COL24A1: variants seen among roughly 807,000 people sequenced by gnomAD.
COL24A1 encodes collagen alpha-1(XXIV) chain.
COL24A1 carries 224 observed loss-of-function variants against 253.9 expected under a neutral mutation model. That is an observed-to-expected ratio of 0.88 (90% CI 0.79 to 0.99). COL24A1 has a LOEUF of 0.99. COL24A1 is among the 50% of genes least tolerant of loss of function. The pLI, the probability that COL24A1 is intolerant of heterozygous loss-of-function variation, is 0.00. For synonymous variants in COL24A1, 685 were observed against 673.7 expected, an observed-to-expected ratio of 1.02 and a Z score of -0.26; for missense variants, 2,131 against 2,068.5, an observed-to-expected ratio of 1.03 and a Z score of -0.59.
At chr1:85,988,478 T>C (rs1693935358) in intron 19 of COL24A1, among the ~76,000 whole-genome samples, 1 of 152,062 alleles carries the variant, frequency 6.6e-6, no homozygotes, top group Non-Finnish European at 1.5e-5. Flanking sequence ...CTTGCTGAAA[T>C]AATTAGAGTG....
In COL24A1 at chr1:85,842,345, A is replaced by G; in HGVS notation, c.3511T>C (p.Tyr1171His). Residue 1171 changes from tyrosine to histidine, a missense_variant, in exon 40 of 60, where the codon TAC becomes CAC. Coordinates refer to ENST00000370571, the MANE Select transcript of COL24A1 (RefSeq NM_152890.7). Reference sequence around the variant, plus strand: ...TTTCAATTATAAATACTTACCCTGTACCCTGGAATTCCTGGTTCTCCATCA... The same window carrying G: ...TTTCAATTATAAATACTTACCCTGTGCCCTGGAATTCCTGGTTCTCCATCA... ...GPDGEPGIPG[Y>H]RGHQGQPGPS... 1 of 1,597,398 alleles carries G rather than the reference A, an allele frequency of 6.3e-7. No individual in the cohort carries two copies. Among genetic ancestry groups the G allele is most frequent in the Non-Finnish European group, 8.5e-7 (1 of 1,170,168 alleles).
chr1:85,981,014 T>C (rs1416357681), intron 20 of COL24A1, among the ~76,000 whole-genome samples: 1 of 152,048 alleles, frequency 6.6e-6, no homozygotes, highest in Non-Finnish European at 1.5e-5. Flanking sequence ...CATAAGCAAA[T>C]GGAAACATAT....
rs1477753976 is a variant in COL24A1, at chr1:85,991,613, G to C, written c.2311-3959C>G. Among the ~76,000 whole-genome samples, 3 of 152,240 alleles carry C rather than the reference G, an allele frequency of 2.0e-5. No homozygotes were observed. In the East Asian group the frequency reaches 5.8e-4, roughly 29 times the overall value. On this transcript the variant is annotated intron_variant, in intron 19 of 59. Coordinates refer to ENST00000370571, the MANE Select transcript of COL24A1 (RefSeq NM_152890.7). The stretch of plus-strand genomic sequence containing the variant: ...CTATGTTTTACTTTACAATAAAACG[G>C]TAAGAAAAAATTTGCTGGGGTGACT...
rs761930635 is a variant in COL24A1, at chr1:85,815,934, A to C, written c.3951+854T>G. Among the ~76,000 whole-genome samples, 64 of 152,120 alleles carry C rather than the reference A, an allele frequency of 4.2e-4. 1 individual carries two copies. Among genetic ancestry groups the C allele is most frequent in the Admixed American group, 4.6e-4 (7 of 15,278 alleles). On this transcript the variant is annotated intron_variant, in intron 47 of 59. Coordinates refer to ENST00000370571, the MANE Select transcript of COL24A1 (RefSeq NM_152890.7). ...AAATGTGATTTTTAAATTTCTGATC[A>C]AATAAGTAAGATAGAAATCTGCATA...
chr1:85,819,013 T>C (rs1673327690), intron 45 of COL24A1, among the ~76,000 whole-genome samples: 1 of 152,226 alleles, frequency 6.6e-6, no homozygotes, highest in Non-Finnish European at 1.5e-5. Context: ...GTATATGTTG[T>C]CACAGAGAAA....
At position 85,868,642 on chromosome 1, in the gene COL24A1, A is replaced by T; in HGVS notation, c.3193-16T>A. 6.2e-7 allele frequency: 1 copy of T among 1,603,826 alleles called. No homozygotes were observed. Among genetic ancestry groups the T allele is most frequent in the Non-Finnish European group, 8.5e-7 (1 of 1,171,776 alleles). On this transcript the variant is annotated splice_polypyrimidine_tract_variant and intron_variant, in intron 36 of 59. Coordinates refer to ENST00000370571, the MANE Select transcript of COL24A1 (RefSeq NM_152890.7). Reference sequence around the variant, plus strand: ...CTGGTACTCCCTGTAATGCAATAAAAAAGTTTTCTATAAAGGAATACAGTG... The same window carrying T: ...CTGGTACTCCCTGTAATGCAATAAATAAGTTTTCTATAAAGGAATACAGTG...
intron 31 of COL24A1, among the ~76,000 whole-genome samples, chr1:85,894,195 G>T (rs1041178565): frequency 3.9e-5 from 6 of 152,142 alleles, no homozygotes; most frequent in African/African-American, 1.4e-4. Flanking sequence ...TCAAGGAGAA[G>T]GAGACAATGT....
chr1:86,084,570 A>T (rs1196830832), intron 7 of COL24A1, among the ~76,000 whole-genome samples: 1 of 152,228 alleles, frequency 6.6e-6, no homozygotes. Context: ...GAAAAACAGT[A>T]TGATAGATGA....
rs111430919 is a variant in COL24A1, at chr1:86,085,547, A to G, written c.1707+3627T>C. 1.5e-3 allele frequency among the ~76,000 whole-genome samples: 221 copies of G among 152,280 alleles called. 2 individuals carry two copies. Among genetic ancestry groups the G allele is most frequent in the African/African-American group, 4.9e-3 (202 of 41,564 alleles). On this transcript the variant is annotated intron_variant, in intron 7 of 59. Coordinates refer to ENST00000370571, the MANE Select transcript of COL24A1 (RefSeq NM_152890.7). ...CAATTAGATTGCTAATGTTCTTACA[A>G]TTATAAATAAAAGGCTTCCCATTCT...
intron 43 of COL24A1, among the ~76,000 whole-genome samples, chr1:85,831,618 C>G (rs913100812): frequency 6.6e-6 from 1 of 152,054 alleles, no homozygotes; most frequent in African/African-American, 2.4e-5. Context: ...AGTGATGGAA[C>G]TTGTCAGATA....
intron 8 of COL24A1, among the ~76,000 whole-genome samples, 178 bp downstream of exon 8, chr1:86,063,537 T>C (rs984873180): frequency 1.3e-5 from 2 of 152,106 alleles, no homozygotes; most frequent in African/African-American, 4.8e-5. Flanking sequence ...TATTATGTTA[T>C]AGTTTTTTAA....
chr1:85,835,431 A>G (rs1039691692), intron 43 of COL24A1, among the ~76,000 whole-genome samples: 1 of 152,110 alleles, frequency 6.6e-6, no homozygotes, highest in Non-Finnish European at 1.5e-5. Context: ...CACCCGGCCC[A>G]GAGACACAGT....
chr1:85,852,265 C>G (rs1011107708), intron 37 of COL24A1, among the ~76,000 whole-genome samples: 2 of 152,018 alleles, frequency 1.3e-5, no homozygotes, highest in African/African-American at 4.8e-5. Context: ...ATACTTATAT[C>G]TGATTCTACA....
chr1:86,095,494 C>T (rs1256794554), intron 5 of COL24A1, among the ~76,000 whole-genome samples: 2 of 151,896 alleles, frequency 1.3e-5, no homozygotes, highest in African/African-American at 4.8e-5. Flanking sequence ...ATGCATGCAG[C>T]GAAGACTATT....
chr1:85,969,503 G>T (rs755808113), intron 22 of COL24A1, among the ~76,000 whole-genome samples: 1 of 150,190 alleles, frequency 6.7e-6, no homozygotes, highest in Non-Finnish European at 1.5e-5. Flanking sequence ...TACTCGGGAG[G>T]CTGAGGCAGG....
chr1:85,760,084 T>C (rs1239236199), intron 55 of COL24A1, among the ~76,000 whole-genome samples: 8 of 152,074 alleles, frequency 5.3e-5, no homozygotes, highest in Admixed American at 3.9e-4. Flanking sequence ...TGTTTGTTTG[T>C]TTGTTTTTTT....
intron 27 of COL24A1, 138 bp from the exon 28 acceptor site, chr1:85,907,385 T>G: frequency 3.0e-6 from 2 of 664,676 alleles, no homozygotes; most frequent in Non-Finnish European, 5.2e-6. Flanking sequence ...AAATATGCTT[T>G]AATCACACTG....
intron 47 of COL24A1, among the ~76,000 whole-genome samples, chr1:85,787,053 A>C (rs1669756188): frequency 6.6e-6 from 1 of 152,226 alleles, no homozygotes. Flanking sequence ...TGAAAAGAAT[A>C]ATACTTAAAG....
intron 5 of COL24A1, among the ~76,000 whole-genome samples, chr1:86,097,290 T>G (rs1179421142): frequency 1.3e-5 from 2 of 152,174 alleles, no homozygotes; most frequent in Non-Finnish European, 2.9e-5. Context: ...ACAGACTTTT[T>G]TGTCCCTACC....
Sources: gnomAD v4.1 joint callset for allele counts (sites outside exome capture counted in the v4.1 genomes callset) on GRCh38, gnomAD v4.1.1 for gene constraint, MANE v1.5 for transcripts, NCBI Gene and HGNC (gene_info 2026-07-23, HGNC 2026-07-21) for gene names.